The following GRM1 variants were observed in gnomAD, a reference collection of about 807,000 sequenced individuals.
The protein encoded by GRM1 is glutamate metabotropic receptor 1, also known as metabotropic glutamate receptor 1.
In GRM1, 33 loss-of-function variants were observed where a neutral mutation model predicts 90.9. The ratio of observed to expected loss-of-function variants is 0.36; its 90% confidence interval spans 0.28 to 0.49. The LOEUF is 0.49. Ranked by LOEUF, GRM1 falls within the 20% of genes least tolerant of loss-of-function variation. The pLI is 0.99. For synonymous variants in GRM1, 700 were observed against 613.2 expected (o/e 1.14, Z -2.09); for missense variants, 1,190 against 1,534.3 (o/e 0.78, Z 3.75).
chr6:146,075,420 A>G lies in GRM1; in HGVS notation c.700+45203A>G, dbSNP rs542361640. ...TTCTCCTGGAAAAAGGCAATAAAGT[A>G]ATAGATAACTAAATTGTATGATATT... On this transcript the variant is annotated intron_variant, in intron 1 of 7. Coordinates refer to ENST00000282753, the MANE Select transcript of GRM1 (RefSeq NM_001278064.2). Among the ~76,000 whole-genome samples, 7 of 152,300 alleles carry G rather than the reference A, an allele frequency of 4.6e-5. No homozygotes were observed. The South Asian group carries it at 1.2e-3, about 27-fold the overall frequency.
At chr6:146,188,774 G>A (rs1300843327) in intron 2 of GRM1, among the ~76,000 whole-genome samples, 1 of 152,130 alleles carries the variant, frequency 6.6e-6, no homozygotes, top group Non-Finnish European at 1.5e-5. Context: ...CACAAAATTA[G>A]ACTACCCATT....
intron 1 of GRM1, among the ~76,000 whole-genome samples, chr6:146,097,695 A>G (rs1776918344): frequency 6.6e-6 from 1 of 152,214 alleles, no homozygotes; most frequent in Non-Finnish European, 1.5e-5. Context: ...CCTTGAGCAT[A>G]TCTACAACTT....
chr6:146,168,273 TGATCTAG>T (rs1197257781), intron 2 of GRM1, among the ~76,000 whole-genome samples: 1 of 152,034 alleles, frequency 6.6e-6, no homozygotes, highest in Non-Finnish European at 1.5e-5. Flanking sequence ...TATGAATAGT[TGATCTAG>T]GGTTTAAAAT....
intron 7 of GRM1, among the ~76,000 whole-genome samples, chr6:146,412,429 T>C (rs1777604289): frequency 6.6e-6 from 1 of 152,146 alleles, no homozygotes; most frequent in African/African-American, 2.4e-5. Flanking sequence ...CTCACCATGT[T>C]TTTCACATTT....
chr6:146,212,079 A>G (rs971491951), intron 2 of GRM1, among the ~76,000 whole-genome samples: 2 of 152,156 alleles, frequency 1.3e-5, no homozygotes, highest in African/African-American at 2.4e-5. Context: ...GGAAGCCTCA[A>G]CTCTACTTTA....
intron 2 of GRM1, among the ~76,000 whole-genome samples, chr6:146,162,226 TC>T (rs1777753922): frequency 6.6e-6 from 1 of 152,178 alleles, no homozygotes; most frequent in African/African-American, 2.4e-5. Context: ...ACTGCCAGAG[TC>T]ACAAGAAGGG....
At chr6:146,394,507 GTTAACTTCCATGCCC>G (rs1562664499) in intron 6 of GRM1, among the ~76,000 whole-genome samples, 1 of 152,114 alleles carries the variant, frequency 6.6e-6, no homozygotes, top group Non-Finnish European at 1.5e-5. Context: ...TGGGTCAGCA[GTTAACTTCCATGCCC>G]TTTCTGCTTC....
In GRM1 at chr6:146,399,100, T is replaced by A. The variant is rs1018922760; in HGVS notation, c.2061T>A (p.Ala687=). The change falls in exon 7 of 8, where the codon GCT becomes GCA. Residue 687 remains alanine (A), a synonymous_variant. Transcript: ENST00000282753. This position sits in a 1 kb window ranked among gnomAD's most constrained non-coding sequence, Gnocchi z 5.4. The part of the protein sequence containing the change: ...TKTNRIARIL[A]GSKKKICTRK... ...CCAATCGTATTGCACGCATCCTGGC[T>A]GGCAGCAAGAAGAAGATCTGCACCC... The A allele has an allele frequency of 6.2e-7, 1 of 1,613,984 alleles. No homozygotes were observed. The highest frequency in any genetic ancestry group is 1.3e-5 in the African/African-American group (1 of 74,914).
intron 1 of GRM1, among the ~76,000 whole-genome samples, chr6:146,070,321 A>G (rs998846759): frequency 2.0e-5 from 3 of 152,168 alleles, no homozygotes; most frequent in Non-Finnish European, 4.4e-5. Context: ...AACTGGGCAC[A>G]TTTTGAGCAC....
intron 2 of GRM1, among the ~76,000 whole-genome samples, chr6:146,236,415 G>A (rs1345352124): frequency 6.6e-6 from 1 of 152,048 alleles, no homozygotes; most frequent in Non-Finnish European, 1.5e-5. Context: ...CCTGTCCTTG[G>A]AGAAGTGTTC....
intron 6 of GRM1, among the ~76,000 whole-genome samples, chr6:146,393,252 T>C (rs1776799045): frequency 6.6e-6 from 1 of 152,200 alleles, no homozygotes; most frequent in African/African-American, 2.4e-5. Context: ...GGTGTCTCGT[T>C]GTGCTTTTGA....
chr6:146,387,044 G>T, intron 6 of GRM1, 28 bp downstream of exon 6: 1 of 1,609,940 alleles, frequency 6.2e-7, no homozygotes, highest in Non-Finnish European at 8.5e-7. Context: ...TGGAAACCTT[G>T]TGCCTCACTA....
intron 3 of GRM1, among the ~76,000 whole-genome samples, chr6:146,337,003 C>T (rs541713794): frequency 5.3e-5 from 8 of 152,308 alleles, no homozygotes; most frequent in South Asian, 4.1e-4. Flanking sequence ...CCTGGTTTTT[C>T]GCTTTCTTGC....
At chr6:146,300,183 A>G (rs372318278) in intron 2 of GRM1, among the ~76,000 whole-genome samples, 19 of 152,184 alleles carry the variant, frequency 1.2e-4, no homozygotes, top group African/African-American at 4.6e-4. Context: ...TCATAACACA[A>G]ATAAAATTGC....
chr6:146,206,675 G>A (rs1332967294), intron 2 of GRM1, among the ~76,000 whole-genome samples: 1 of 150,454 alleles, frequency 6.6e-6, no homozygotes, highest in Non-Finnish European at 1.5e-5. Flanking sequence ...ATGAAGGTTT[G>A]TTACATAAAC....
chr6:146,189,600 A>G (rs1778865770), intron 2 of GRM1, among the ~76,000 whole-genome samples: 1 of 152,216 alleles, frequency 6.6e-6, no homozygotes, highest in Non-Finnish European at 1.5e-5. Flanking sequence ...AAAGTCATTT[A>G]CATTCTCCTC....
At chr6:146,162,877 T>C (rs917242156) in intron 2 of GRM1, among the ~76,000 whole-genome samples, 1 of 152,078 alleles carries the variant, frequency 6.6e-6, no homozygotes, top group African/African-American at 2.4e-5. Flanking sequence ...ATGAAGCAAT[T>C]ATATGATCTT....
chr6:146,051,471 G>C (rs1305246176), intron 1 of GRM1, among the ~76,000 whole-genome samples: 2 of 152,086 alleles, frequency 1.3e-5, no homozygotes, highest in South Asian at 2.1e-4. Flanking sequence ...GATTCATATA[G>C]AGAATAGACT....
intron 1 of GRM1, among the ~76,000 whole-genome samples, chr6:146,136,849 C>CTTTTTTTTTT (rs57774648): frequency 1.1e-5 from 1 of 90,942 alleles, no homozygotes; most frequent in Non-Finnish European, 2.1e-5. Context: ...TGTACAGAAG[C>CTTTTTTTTTT]TTTTTTTTTT....
Sources: gnomAD v4.1 joint callset for allele counts (sites outside exome capture counted in the v4.1 genomes callset) on GRCh38, gnomAD v4.1.1 for gene constraint, Gnocchi (gnomAD v3.1) non-coding constraint, MANE v1.5 for transcripts, NCBI Gene and HGNC (gene_info 2026-07-23, HGNC 2026-07-21) for gene names.